The following APBA2 variants were observed in gnomAD, a reference collection of about 807,000 sequenced individuals.
APBA2 encodes amyloid-beta A4 precursor protein-binding family A member 2.
A neutral mutation model predicts 75.0 loss-of-function variants in APBA2; 30 were observed. The observed-to-expected ratio is 0.40, with a 90% CI of 0.30 to 0.54. APBA2 has a LOEUF of 0.54. APBA2 is among the 20% of genes least tolerant of loss of function. APBA2 has a pLI of 0.49. For missense variants in APBA2, 801 were observed against 1,016.1 expected (o/e 0.79, Z 2.88); for synonymous variants, 444 against 409.6 (o/e 1.08, Z -1.01).
At position 29,118,282 on chromosome 15, in the gene APBA2, C is replaced by T. The variant is rs1017877704; in HGVS notation, c.*1149C>T. ...CAGCTACCCGTAGGAAGACTTCGCG[C>T]ATATCACTAATAAACCTGAAGTCGT... On this transcript the variant is annotated 3_prime_UTR_variant, in exon 15 of 15. Coordinates refer to ENST00000683413, the MANE Select transcript of APBA2 (RefSeq NM_001353788.2). 3.9e-5 allele frequency: 6 copies of T among 152,490 alleles called. No homozygotes were observed. The highest frequency in any genetic ancestry group is 1.4e-4 in the African/African-American group (6 of 41,484). The allele number at this position is 152,490 out of a possible 1,614,324, so 9.4% of individuals were successfully genotyped here. A position where few individuals can be genotyped will look rare whatever the true frequency, so the allele number is the denominator to read the frequency against.
intron 1 of APBA2, among the ~76,000 whole-genome samples, chr15:28,889,652 A>C (rs1347858889): frequency 6.6e-6 from 1 of 151,944 alleles, no homozygotes. Context: ...GGAGATCCCA[A>C]CTGAATGTGG....
intron 2 of APBA2, among the ~76,000 whole-genome samples, chr15:28,978,869 G>A (rs989167594): frequency 6.6e-6 from 1 of 152,198 alleles, no homozygotes; most frequent in African/African-American, 2.4e-5. Context: ...AATGCATTAA[G>A]TATTTTAAGC....
intron 3 of APBA2, among the ~76,000 whole-genome samples, chr15:29,024,876 T>G (rs1401029801): frequency 6.6e-6 from 1 of 152,076 alleles, no homozygotes; most frequent in African/African-American, 2.4e-5. Context: ...GAGGAGCGGA[T>G]GGAAGCAGGA....
intron 2 of APBA2, among the ~76,000 whole-genome samples, chr15:28,968,399 G>C (rs907138570): frequency 3.3e-5 from 5 of 152,150 alleles, no homozygotes; most frequent in Non-Finnish European, 5.9e-5. Flanking sequence ...TTACAAACAC[G>C]TGTGGAAGAC....
At chr15:28,887,833 G>T (rs2031856366) in intron 1 of APBA2, among the ~76,000 whole-genome samples, 1 of 152,236 alleles carries the variant, frequency 6.6e-6, no homozygotes, top group Non-Finnish European at 1.5e-5. Flanking sequence ...CCATGGCTGG[G>T]CTGGGACTGG....
In APBA2 at chr15:28,991,411, G is replaced by A. The variant is rs879289479; in HGVS notation, c.-94-4342G>A. ...GCTACAGGGCCGGGCCGCAGGAGGC[G>A]TCCTTGTGCCGGAGCTCACCTTGTG... On this transcript the variant is annotated intron_variant, in intron 2 of 14. Transcript: ENST00000683413. The surrounding 1 kb of genome is among the most constrained non-coding windows in gnomAD (Gnocchi z 4.7). Among the ~76,000 whole-genome samples, 3 of 152,072 alleles carry A rather than the reference G, an allele frequency of 2.0e-5. No homozygotes were observed. The highest frequency in any genetic ancestry group is 4.4e-5 in the Non-Finnish European group (3 of 68,038).
chr15:28,893,994 C>T (rs2032305719), intron 1 of APBA2: 2 of 152,228 alleles, frequency 1.3e-5, no homozygotes, highest in African/African-American at 2.4e-5. Context: ...TGGGGGACCC[C>T]TGGACTGGCA....
intron 6 of APBA2, among the ~76,000 whole-genome samples, chr15:29,089,487 C>T (rs1360711883): frequency 6.6e-6 from 1 of 152,200 alleles, no homozygotes; most frequent in Non-Finnish European, 1.5e-5. Context: ...GCCACCTCCT[C>T]CCAGACCCCC....
chr15:28,922,295 C>G (rs996456111), intron 2 of APBA2, among the ~76,000 whole-genome samples: 1 of 152,158 alleles, frequency 6.6e-6, no homozygotes, highest in Non-Finnish European at 1.5e-5. Context: ...CTTGCCTTGA[C>G]CCAGGTAGCC....
intron 13 of APBA2, among the ~76,000 whole-genome samples, chr15:29,110,102 T>G (rs563265111): frequency 2.2e-4 from 34 of 152,346 alleles, no homozygotes; most frequent in African/African-American, 7.9e-4. Context: ...TGTCTGCAGC[T>G]GCTGTGCGCA....
At chr15:28,930,303 A>C (rs538474095) in intron 2 of APBA2, among the ~76,000 whole-genome samples, 28 of 152,180 alleles carry the variant, frequency 1.8e-4, no homozygotes, top group African/African-American at 6.3e-4. Context: ...TGAGCTCTCC[A>C]CGATGGGAGC....
rs1009470604 is a variant in APBA2 at position 29,116,553 on chromosome 15, G to C, written c.2179-509G>C. 4.9e-4 allele frequency among the ~76,000 whole-genome samples: 75 copies of C among 151,688 alleles called. 1 individual carries two copies. The highest frequency in any genetic ancestry group is 6.0e-4 in the Non-Finnish European group (41 of 67,826). On this transcript the variant is annotated intron_variant, in intron 14 of 14. Transcript: ENST00000683413. ...TGAGGCAGGAGAATGACATGAACCC[G>C]GGGGGCAGAGCTTGCAGTGAGCCGA... is the stretch of plus-strand genomic sequence containing the variant.
At position 29,106,629 on chromosome 15, in the gene APBA2, G is replaced by A. The variant is rs1383505878; in HGVS notation, c.1727G>A (p.Gly576Asp). ...CKELQLEKHK[G>D]EILGVVVVES... The stretch of plus-strand genomic sequence containing the variant: ...CAGCTGCAGCTGGAGAAGCACAAGG[G>A]CGAGATCCTGGGCGTGGTGGTGGTG... The change falls in exon 12 of 15, where the codon GGC becomes GAC. Residue 576 changes from glycine (G) to aspartate (D), a missense_variant. By Grantham distance (94) the Gly-to-Asp change is moderately conservative. Around this residue, in one of 2 missense-constraint regions of APBA2, gnomAD observed 367 missense variants for 544.5 expected, o/e 0.67. Coordinates refer to ENST00000683413, the MANE Select transcript of APBA2 (RefSeq NM_001353788.2). 1 of 1,613,018 alleles carries A rather than the reference G, an allele frequency of 6.2e-7. No individual in the cohort carries two copies. Among genetic ancestry groups the A allele is most frequent in the Non-Finnish European group, 8.5e-7 (1 of 1,180,012 alleles).
chr15:28,972,231 A>G (rs936411395), intron 2 of APBA2, among the ~76,000 whole-genome samples: 2 of 152,220 alleles, frequency 1.3e-5, no homozygotes, highest in African/African-American at 4.8e-5. Flanking sequence ...AAGACATCCA[A>G]TTTACCTGTA....
At chr15:28,989,387 C>T (rs1413171270) in intron 2 of APBA2, among the ~76,000 whole-genome samples, 2 of 152,104 alleles carry the variant, frequency 1.3e-5, no homozygotes, top group Non-Finnish European at 2.9e-5. Context: ...TGCGCAGGTT[C>T]GTATCTGTGA....
chr15:29,111,635 C>T (rs1232754142), intron 13 of APBA2, among the ~76,000 whole-genome samples: 5 of 152,140 alleles, frequency 3.3e-5, no homozygotes, highest in Admixed American at 2.6e-4. Flanking sequence ...ACACCCTCTG[C>T]ACCTGCTCCA....
At chr15:29,106,503 G>A (rs2044412853) in intron 11 of APBA2, 104 bp from the exon 12 acceptor site, 1 of 1,303,128 alleles carries the variant, frequency 7.7e-7, no homozygotes, top group Non-Finnish European at 1.1e-6. Context: ...CCCAGGGCAG[G>A]GCGGGATGTG....
intron 2 of APBA2, among the ~76,000 whole-genome samples, chr15:28,943,249 G>A (rs2035338614): frequency 6.6e-6 from 1 of 152,178 alleles, no homozygotes; most frequent in Non-Finnish European, 1.5e-5. Context: ...GTTCTGGCCA[G>A]GCTACAGGGC....
intron 2 of APBA2, among the ~76,000 whole-genome samples, chr15:28,978,743 T>G (rs532074735): frequency 2.4e-4 from 37 of 152,206 alleles, no homozygotes; most frequent in Non-Finnish European, 5.1e-4. Context: ...ATGGAGTCAT[T>G]GTGTCACATT....
Sources: allele counts gnomAD v4.1 joint callset (sites outside exome capture counted in the v4.1 genomes callset), GRCh38; gene constraint gnomAD v4.1.1; regional missense constraint gnomAD v4.1.1; non-coding constraint Gnocchi (gnomAD v3.1); transcripts MANE v1.5; gene names NCBI Gene and HGNC (gene_info 2026-07-23, HGNC 2026-07-21).